PPP2R3A: variants seen among roughly 807,000 people sequenced by gnomAD.
PPP2R3A encodes protein phosphatase 2 regulatory subunit B''alpha.
Under a neutral mutation model 106.9 loss-of-function variants are expected in PPP2R3A, and 80 were observed. The ratio of observed to expected loss-of-function variants is 0.75; its 90% CI spans 0.62 to 0.90. The LOEUF is 0.90. PPP2R3A is among the 40% of genes least tolerant of loss of function. PPP2R3A has a pLI of 0.00. For synonymous variants in PPP2R3A, 483 were observed against 468.3 expected (o/e 1.03, Z -0.41); for missense variants, 1,386 against 1,350.4 (o/e 1.03, Z -0.41).
intron 10 of PPP2R3A, among the ~76,000 whole-genome samples, chr3:136,098,723 C>A (rs1268174474): frequency 1.3e-5 from 2 of 152,126 alleles, no homozygotes; most frequent in East Asian, 3.9e-4. Context: ...CTGCCTGAAT[C>A]CTAAGCCAGC....
intron 9 of PPP2R3A, among the ~76,000 whole-genome samples, chr3:136,090,259 T>C (rs1937062698): frequency 6.6e-6 from 1 of 152,162 alleles, no homozygotes; most frequent in African/African-American, 2.4e-5. Flanking sequence ...TCTTATTATT[T>C]TGAGGTATCT....
At chr3:135,992,733 G>A (rs1221050153) in intron 1 of PPP2R3A, among the ~76,000 whole-genome samples, 2 of 152,150 alleles carry the variant, frequency 1.3e-5, no homozygotes, top group African/African-American at 4.8e-5. Context: ...AATATACTTG[G>A]CAGTGAAGAG....
At chr3:136,079,103 T>C (rs1246842718) in intron 7 of PPP2R3A, 1 of 427,592 alleles carries the variant, frequency 2.3e-6, no homozygotes, top group East Asian at 7.0e-5. Flanking sequence ...AGGCTAATAA[T>C]ACAACCTTAC....
At chr3:136,080,838 C>T (rs1371700352) in intron 7 of PPP2R3A, among the ~76,000 whole-genome samples, 3 of 152,074 alleles carry the variant, frequency 2.0e-5, no homozygotes, top group African/African-American at 7.2e-5. Context: ...ATTTTCTATC[C>T]AGCAGATTTA....
intron 1 of PPP2R3A, among the ~76,000 whole-genome samples, chr3:135,995,886 A>C (rs548870683): frequency 6.6e-6 from 1 of 152,324 alleles, no homozygotes; most frequent in South Asian, 2.1e-4. Context: ...GACTCTTTAA[A>C]ATCACTTTTC....
intron 13 of PPP2R3A, among the ~76,000 whole-genome samples, chr3:136,118,109 A>G (rs1937848130): frequency 6.6e-6 from 1 of 152,244 alleles, no homozygotes. Flanking sequence ...TCACATAAAC[A>G]GAACCAGTGA....
chr3:136,059,080 C>T (rs533398635), intron 5 of PPP2R3A, among the ~76,000 whole-genome samples: 1 of 152,188 alleles, frequency 6.6e-6, no homozygotes, highest in South Asian at 2.1e-4. Context: ...TAGGCACAGG[C>T]AAAGCTTTCA....
At chr3:136,106,183 T>C (rs1047996187) in intron 12 of PPP2R3A, 33 bp from the exon 13 acceptor site, 4 of 1,564,578 alleles carry the variant, frequency 2.6e-6, no homozygotes, top group Non-Finnish European at 3.5e-6. Flanking sequence ...TTTGATTTTT[T>C]TTATTTCTCG....
intron 1 of PPP2R3A, among the ~76,000 whole-genome samples, chr3:135,999,185 T>A (rs1163406949): frequency 6.6e-6 from 1 of 152,214 alleles, no homozygotes; most frequent in African/African-American, 2.4e-5. Context: ...ATATTTATTG[T>A]GCATTTACTG....
At chr3:136,030,772 ATATATATATG>A (rs753962855) in intron 3 of PPP2R3A, among the ~76,000 whole-genome samples, 9 of 121,598 alleles carry the variant, frequency 7.4e-5, no homozygotes, top group East Asian at 2.0e-4. Flanking sequence ...ATATATATAT[ATATATATATG>A]TATGTATGTA....
At chr3:136,055,741 T>C in intron 5 of PPP2R3A, 2 of 679,384 alleles carry the variant, frequency 2.9e-6, no homozygotes, top group Non-Finnish European at 5.3e-6. Context: ...TGGGAAATCA[T>C]CTTTATGGAA....
chr3:136,140,062 A>ATTGT (rs1264138854), intron 13 of PPP2R3A, among the ~76,000 whole-genome samples: 1 of 151,890 alleles, frequency 6.6e-6, no homozygotes, highest in African/African-American at 2.4e-5. Flanking sequence ...TTTCTAGTAA[A>ATTGT]TTGTTTGTGA....
intron 2 of PPP2R3A, among the ~76,000 whole-genome samples, 195 bp downstream of exon 2, chr3:136,003,688 CAA>C (rs1393799073): frequency 6.6e-6 from 1 of 151,102 alleles, no homozygotes; most frequent in Non-Finnish European, 1.5e-5. Flanking sequence ...AAAAAAAAAG[CAA>C]AGACTTTAGA....
intron 2 of PPP2R3A, chr3:136,023,314 G>C (rs768345844): frequency 1.1e-6 from 1 of 869,852 alleles, no homozygotes; most frequent in Non-Finnish European, 1.7e-6. Context: ...CAGCTCCCTT[G>C]TATCTTGATA....
intron 2 of PPP2R3A, among the ~76,000 whole-genome samples, chr3:136,017,210 T>C (rs2107809319): frequency 6.6e-6 from 1 of 152,336 alleles, no homozygotes; most frequent in South Asian, 2.1e-4. Context: ...GGTTTTTCTT[T>C]AAAAGTTACC....
At chr3:136,082,981 A>G (rs1419803302) in intron 8 of PPP2R3A, among the ~76,000 whole-genome samples, 3 of 152,300 alleles carry the variant, frequency 2.0e-5, no homozygotes, top group East Asian at 3.9e-4. Context: ...CATTTTTGCC[A>G]GCGGTAAATC....
chr3:135,972,524 T>C (rs1218044430), intron 1 of PPP2R3A, among the ~76,000 whole-genome samples: 1 of 152,178 alleles, frequency 6.6e-6, no homozygotes, highest in Non-Finnish European at 1.5e-5. Context: ...GTTTAAAAAG[T>C]TTTTGAGGAA....
chr3:136,104,263 T>C (rs190912025), intron 12 of PPP2R3A, among the ~76,000 whole-genome samples: 1 of 152,166 alleles, frequency 6.6e-6, no homozygotes, highest in East Asian at 1.9e-4. Flanking sequence ...TCATTGAATT[T>C]AACATGCTCC....
At position 136,012,975 on chromosome 3, in the gene PPP2R3A, G is replaced by T. The variant is rs117292437; in HGVS notation, c.1995+9482G>T. ...CCACCCTTCCTCCCAAGTCCCCGAAGTCCATTCTGTCATTCTTATGCCTTT... is the reference window on the plus strand; with the variant it reads ...CCACCCTTCCTCCCAAGTCCCCGAATTCCATTCTGTCATTCTTATGCCTTT... On this transcript the variant is annotated intron_variant, in intron 2 of 13. Coordinates refer to ENST00000264977, the MANE Select transcript of PPP2R3A (RefSeq NM_002718.5). Among the ~76,000 whole-genome samples the T allele has an allele frequency of 1.5e-4, 23 of 152,170 alleles. No homozygotes were observed. The East Asian group carries it at 4.4e-3, about 29-fold the overall frequency.
Sources: allele counts gnomAD v4.1 joint callset (sites outside exome capture counted in the v4.1 genomes callset), GRCh38; gene constraint gnomAD v4.1.1; transcripts MANE v1.5; gene names NCBI Gene and HGNC (gene_info 2026-07-23, HGNC 2026-07-21).